The following HIKESHI variants were observed in gnomAD, a reference collection of about 807,000 sequenced individuals.
HIKESHI encodes heat shock protein nuclear import factor hikeshi.
Under a neutral mutation model 25.7 loss-of-function variants are expected in HIKESHI, and 13 were observed. The observed-to-expected ratio is 0.51, with a 90% CI of 0.33 to 0.80. HIKESHI has a LOEUF of 0.80. Among genes scored for constraint, HIKESHI ranks in the 30% least tolerant of loss-of-function variants. The probability of loss-of-function intolerance (pLI) is 0.02; values close to 1 mark genes in which losing one functional copy is unlikely to be tolerated. For synonymous variants in HIKESHI, 76 were observed against 78.7 expected (o/e 0.97, Z 0.18); for missense variants, 174 against 229.5 (o/e 0.76, Z 1.56).
chr11:86,345,368 C>T (rs1396884901), intron 4 of HIKESHI: 1 of 416,838 alleles, frequency 2.4e-6, no homozygotes, highest in East Asian at 4.3e-5. Context: ...GATTTGTGCT[C>T]TCTGATAAAA....
chr11:86,339,450 C>T (rs1947662538), intron 3 of HIKESHI, among the ~76,000 whole-genome samples: 1 of 152,206 alleles, frequency 6.6e-6, no homozygotes, highest in Non-Finnish European at 1.5e-5. Context: ...TACATTAAGA[C>T]TTCCATTGTC....
chr11:86,327,759 A>G (rs1430375201), intron 2 of HIKESHI, among the ~76,000 whole-genome samples: 5 of 152,208 alleles, frequency 3.3e-5, no homozygotes, highest in Non-Finnish European at 5.9e-5. Flanking sequence ...ATTCCCTATT[A>G]ATGGAAATCT....
intron 2 of HIKESHI, among the ~76,000 whole-genome samples, chr11:86,313,323 C>G (rs537273097): frequency 6.6e-6 from 1 of 152,084 alleles, no homozygotes; most frequent in African/African-American, 2.4e-5. Flanking sequence ...CTCCACCTCC[C>G]GGGTTCAAGT....
In HIKESHI at chr11:86,318,303, C is replaced by CAAAAAAAAAAAAAAAAAAAAAAAAA. The variant is rs71040230; in HGVS notation, c.268+11841_268+11842insAAAAAAAAAAAAAAAAAAAAAAAAA. ...TGGGCGACAGAGCAAGACTCCGTCT[C>CAAAAAAAAAAAAAAAAAAAAAAAAA]AAAAAAAAAAAAAAAAAAAATCCTG... On this transcript the variant is annotated intron_variant, in intron 2 of 4. Transcript: ENST00000278483. 1.8e-3 allele frequency among the ~76,000 whole-genome samples: 65 copies of CAAAAAAAAAAAAAAAAAAAAAAAAA among 35,646 alleles called. 5 individuals carry two copies. Among genetic ancestry groups the CAAAAAAAAAAAAAAAAAAAAAAAAA allele is most frequent in the Non-Finnish European group, 2.6e-3 (50 of 19,076 alleles). 23.4% of individuals were successfully genotyped at this position (35,646 alleles called of 152,430 possible). A position where few individuals can be genotyped will look rare whatever the true frequency, so the allele number is the denominator to read the frequency against.
intron 2 of HIKESHI, among the ~76,000 whole-genome samples, chr11:86,333,510 G>A (rs1166103353): frequency 6.6e-6 from 1 of 151,594 alleles, no homozygotes; most frequent in Non-Finnish European, 1.5e-5. Flanking sequence ...ACTCCAGCCT[G>A]GGCAACAGAG....
intron 2 of HIKESHI, 116 bp downstream of exon 2, chr11:86,306,598 T>C (rs1946629840): frequency 1.6e-6 from 1 of 614,824 alleles, no homozygotes; most frequent in East Asian, 2.9e-5. Flanking sequence ...GTTAAAGTAA[T>C]ACAAAACATT....
chr11:86,341,615 G>A (rs1341512601), intron 3 of HIKESHI, among the ~76,000 whole-genome samples: 1 of 151,692 alleles, frequency 6.6e-6, no homozygotes, highest in Non-Finnish European at 1.5e-5. Flanking sequence ...TGGTAGCTGG[G>A]ACTACAGGCA....
chr11:86,334,145 A>G (rs1000839197), intron 2 of HIKESHI, among the ~76,000 whole-genome samples: 6 of 152,172 alleles, frequency 3.9e-5, no homozygotes, highest in South Asian at 2.1e-4. Flanking sequence ...TGGAATGACT[A>G]TCTGGATTTG....
chr11:86,324,023 C>T (rs2138360365), intron 2 of HIKESHI: 1 of 152,090 alleles, frequency 6.6e-6, no homozygotes, highest in South Asian at 2.1e-4. Context: ...GAGATGTGGT[C>T]TCACTATGTT....
intron 2 of HIKESHI, among the ~76,000 whole-genome samples, chr11:86,315,407 G>A (rs1211902338): frequency 3.3e-5 from 5 of 151,542 alleles, no homozygotes; most frequent in South Asian, 4.2e-4. Flanking sequence ...CACAACCTCC[G>A]CCTCCTGGGT....
At position 86,306,241 on chromosome 11, in the gene HIKESHI, C is replaced by T. The variant is rs199509279; in HGVS notation, c.31-4C>T. 2,305 of 1,600,906 alleles carry T rather than the reference C, an allele frequency of 1.4e-3. 3 individuals are homozygous for T. The highest frequency in any genetic ancestry group is 1.8e-3 in the Non-Finnish European group (2,164 of 1,169,966). On this transcript the variant is annotated splice_polypyrimidine_tract_variant and splice_region_variant and intron_variant, in intron 1 of 4. Coordinates refer to ENST00000278483, the MANE Select transcript of HIKESHI (RefSeq NM_016401.4). ...TGAACTGAGACAAGTTTCTTATTTTCTAGGTGCAAACAGCTGCACAGCAAG... is the reference window on the plus strand; with the variant it reads ...TGAACTGAGACAAGTTTCTTATTTTTTAGGTGCAAACAGCTGCACAGCAAG...
intron 1 of HIKESHI, among the ~76,000 whole-genome samples, chr11:86,305,275 C>T (rs953406800): frequency 6.6e-6 from 1 of 152,184 alleles, no homozygotes; most frequent in Non-Finnish European, 1.5e-5. Context: ...GCTGGGATTA[C>T]AGGCATGAGC....
At chr11:86,305,560 A>G (rs1032662128) in intron 1 of HIKESHI, among the ~76,000 whole-genome samples, 16 of 148,668 alleles carry the variant, frequency 1.1e-4, no homozygotes, top group Admixed American at 8.8e-4. Context: ...CTAATTTCGT[A>G]TTTTTAGTAG....
At chr11:86,317,015 A>G (rs1222104163) in intron 2 of HIKESHI, among the ~76,000 whole-genome samples, 1 of 151,854 alleles carries the variant, frequency 6.6e-6, no homozygotes, top group Non-Finnish European at 1.5e-5. Flanking sequence ...GATGGTCTCG[A>G]TCTCCTGACC....
chr11:86,341,488 C>CTTTTTTTTT (rs112151717), intron 3 of HIKESHI, among the ~76,000 whole-genome samples: 3 of 142,810 alleles, frequency 2.1e-5, no homozygotes, highest in Non-Finnish European at 3.0e-5. Flanking sequence ...TGGAATTCTC[C>CTTTTTTTTT]TTTTTTTTTT....
At chr11:86,334,593 T>C (rs903615071) in intron 2 of HIKESHI, among the ~76,000 whole-genome samples, 2 of 152,228 alleles carry the variant, frequency 1.3e-5, no homozygotes, top group Non-Finnish European at 2.9e-5. Flanking sequence ...TGATATGCTT[T>C]GATAATGATA....
chr11:86,323,295 A>C (rs147911912), intron 2 of HIKESHI, among the ~76,000 whole-genome samples: 2 of 152,332 alleles, frequency 1.3e-5, no homozygotes, highest in African/African-American at 4.8e-5. Context: ...GAAAGAAATA[A>C]ATGTAAATAG....
At chr11:86,308,281 AAATATATATTACATAT>A (rs1946729656) in intron 2 of HIKESHI, among the ~76,000 whole-genome samples, 1 of 109,842 alleles carries the variant, frequency 9.1e-6, no homozygotes, top group African/African-American at 3.8e-5. Flanking sequence ...ATTATATATA[AAATATATATTACATAT>A]AATATATATT....
At chr11:86,307,511 C>A (rs1415147677) in intron 2 of HIKESHI, among the ~76,000 whole-genome samples, 5 of 132,442 alleles carry the variant, frequency 3.8e-5, no homozygotes, top group South Asian at 2.4e-4. Flanking sequence ...CATTATATAT[C>A]AAATATATAT....
Sources: gnomAD v4.1 joint callset for allele counts (sites outside exome capture counted in the v4.1 genomes callset) on GRCh38, gnomAD v4.1.1 for gene constraint, MANE v1.5 for transcripts, NCBI Gene and HGNC (gene_info 2026-07-23, HGNC 2026-07-21) for gene names.